The following RRP36 variants were observed in gnomAD, a reference collection of about 807,000 sequenced individuals.
RRP36 encodes ribosomal RNA processing protein 36 homolog.
A neutral mutation model predicts 39.8 loss-of-function variants in RRP36; 44 were observed. The ratio of observed to expected loss-of-function variants is 1.10; its 90% CI spans 0.87 to 1.42. RRP36 has a LOEUF of 1.42. Among genes scored for constraint, RRP36 ranks in the 40% most tolerant of loss-of-function variants. The pLI, the probability that RRP36 is intolerant of heterozygous loss-of-function variation, is 0.00. For synonymous variants in RRP36, 124 were observed against 123.1 expected (o/e 1.01, Z -0.05); for missense variants, 316 against 322.4 (o/e 0.98, Z 0.15).
chr6:43,027,223 G>C lies in RRP36; in HGVS notation c.496G>C (p.Glu166Gln), dbSNP rs761890283. The change falls in exon 5 of 7, where the codon GAG becomes CAG. Residue 166 changes from glutamate (E) to glutamine (Q), a missense_variant. Coordinates refer to ENST00000244496, the MANE Select transcript of RRP36 (RefSeq NM_033112.4). ...GAAGCACCTTTCAGGAGAGGAGCAT[G>C]AGAAACTGCAGCAACTGCTTCAGCG... ...LKKHLSGEEH[E>Q]KLQQLLQRME... 1 of 1,614,238 alleles carries C rather than the reference G, an allele frequency of 6.2e-7. No homozygotes were observed. The highest frequency in any genetic ancestry group is 1.7e-5 in the Admixed American group (1 of 60,030).
At chr6:43,027,791 AC>A (rs1481492313) in intron 6 of RRP36, among the ~76,000 whole-genome samples, 6 of 130,276 alleles carry the variant, frequency 4.6e-5, no homozygotes, top group African/African-American at 1.5e-4. Context: ...ACACACACAC[AC>A]ACACACAAAC....
At chr6:43,022,117 T>A (rs1345861061) in intron 1 of RRP36, among the ~76,000 whole-genome samples, 1 of 152,116 alleles carries the variant, frequency 6.6e-6, no homozygotes, top group Admixed American at 6.5e-5. Flanking sequence ...TTTAATTTTT[T>A]TTTTTTGAGA....
In RRP36 at chr6:43,025,112, A is replaced by G. The variant is rs145287535; in HGVS notation, c.258A>G (p.Ala86=). 86 of 1,614,108 alleles carry G rather than the reference A, an allele frequency of 5.3e-5. No individual in the cohort carries two copies. Among genetic ancestry groups the G allele is most frequent in the Non-Finnish European group, 6.9e-5 (81 of 1,180,044 alleles). ...CTTCTAGACCACCTATCCAAAATGCATGTGTTGCAGATAAGCACAGGTAAG... is the reference window on the plus strand; with the variant it reads ...CTTCTAGACCACCTATCCAAAATGCGTGTGTTGCAGATAAGCACAGGTAAG... The part of the protein sequence containing the change: ...KQASRPPIQN[A]CVADKHRPLE... The change falls in exon 2 of 7, where the codon GCA becomes GCG. Residue 86 remains alanine (A), a synonymous_variant. Coordinates refer to ENST00000244496, the MANE Select transcript of RRP36 (RefSeq NM_033112.4).
At chr6:43,028,946 C>A in intron 6 of RRP36, 146 bp from the exon 7 acceptor site, 1 of 1,070,034 alleles carries the variant, frequency 9.3e-7, no homozygotes, top group Non-Finnish European at 1.4e-6. Flanking sequence ...GAGCAGGACT[C>A]CGTCTCAGAA....
At chr6:43,025,968 G>C in intron 3 of RRP36, 69 bp from the exon 4 acceptor site, 1 of 1,177,794 alleles carries the variant, frequency 8.5e-7, no homozygotes, top group South Asian at 1.3e-5. Flanking sequence ...GGAAGAGACA[G>C]GAAGCACTTT....
chr6:43,026,926 C>T (rs965279755), intron 4 of RRP36, among the ~76,000 whole-genome samples: 6 of 150,052 alleles, frequency 4.0e-5, no homozygotes, highest in East Asian at 2.0e-4. Context: ...ATTAGCCGGG[C>T]GTGGTGGCAC....
At chr6:43,021,922 T>C (rs1762722534) in intron 1 of RRP36, 138 bp downstream of exon 1, 1 of 571,948 alleles carries the variant, frequency 1.7e-6, no homozygotes, top group Non-Finnish European at 2.4e-6. Flanking sequence ...CCCAGTGCAG[T>C]GGAAAGTGGG....
intron 1 of RRP36, among the ~76,000 whole-genome samples, chr6:43,024,193 T>G (rs990864921): frequency 6.6e-6 from 1 of 151,982 alleles, no homozygotes; most frequent in African/African-American, 2.4e-5. Flanking sequence ...AAGACCTCTT[T>G]GGGAAGGTGA....
chr6:43,026,488 C>G (rs559447546), intron 4 of RRP36, among the ~76,000 whole-genome samples: 1 of 152,104 alleles, frequency 6.6e-6, no homozygotes, highest in Non-Finnish European at 1.5e-5. Flanking sequence ...GCCTGGCCAA[C>G]ATGGTGAAAC....
intron 1 of RRP36, among the ~76,000 whole-genome samples, chr6:43,024,387 T>C (rs968682995): frequency 6.6e-6 from 1 of 152,124 alleles, no homozygotes; most frequent in African/African-American, 2.4e-5. Flanking sequence ...GCCAGGTCAC[T>C]TGGGGGCTTG....
intron 3 of RRP36, among the ~76,000 whole-genome samples, chr6:43,025,622 C>CAAA (rs1219326852): frequency 1.4e-4 from 9 of 63,692 alleles, no homozygotes; most frequent in Non-Finnish European, 2.3e-4. Context: ...GACTCTGTCT[C>CAAA]AAAAAAAAAA....
At chr6:43,022,734 G>A (rs1003933042) in intron 1 of RRP36, among the ~76,000 whole-genome samples, 1 of 148,310 alleles carries the variant, frequency 6.7e-6, no homozygotes, top group South Asian at 2.1e-4. Context: ...CCGTGTTTAC[G>A]CCATTCTCCT....
chr6:43,028,254 C>T (rs1042913962), intron 6 of RRP36, among the ~76,000 whole-genome samples: 3 of 151,028 alleles, frequency 2.0e-5, no homozygotes, highest in African/African-American at 2.4e-5. Flanking sequence ...CACTTGAGCC[C>T]GGGAGGTGGA....
chr6:43,024,368 A>G (rs1304137863), intron 1 of RRP36, among the ~76,000 whole-genome samples: 1 of 152,106 alleles, frequency 6.6e-6, no homozygotes, highest in African/African-American at 2.4e-5. Context: ...GAGTAGAGAT[A>G]TGACAGGGGC....
In RRP36 at chr6:43,021,778, TTGAGGGGTGAG is replaced by T; in HGVS notation, c.125_130+5del. ...GCCCGCGGCCGTGGCCCGCGACCTA[TTGAGGGGTGAG>T]GGCATGGGGCAGGGCGGGCTGGGGA... On this transcript the variant is annotated splice_donor_variant and splice_donor_5th_base_variant and coding_sequence_variant and intron_variant, in exon 1 of 7. Transcript: ENST00000244496. LOFTEE classifies it high-confidence loss of function. The T allele has an allele frequency of 8.3e-7, 1 of 1,204,904 alleles. No homozygotes were observed. Among genetic ancestry groups the T allele is most frequent in the Non-Finnish European group, 1.0e-6 (1 of 970,122 alleles). 74.6% of individuals were successfully genotyped at this position (1,204,904 alleles called of 1,614,324 possible).
intron 3 of RRP36, 148 bp downstream of exon 3, chr6:43,025,477 G>T: frequency 1.5e-6 from 1 of 646,824 alleles, no homozygotes; most frequent in South Asian, 1.8e-5. Context: ...ACAAAAATTA[G>T]CTGGGCATGG....
chr6:43,023,578 G>A (rs575358405), intron 1 of RRP36, among the ~76,000 whole-genome samples: 8,949 of 151,690 alleles, frequency 0.059, 314 homozygotes, highest in African/African-American at 0.091. Flanking sequence ...CTTAGTCCCA[G>A]CTACTGAGGA....
chr6:43,025,968 G>A, intron 3 of RRP36, 69 bp from the exon 4 acceptor site: 1 of 1,177,790 alleles, frequency 8.5e-7, no homozygotes, highest in Non-Finnish European at 1.2e-6. Context: ...GGAAGAGACA[G>A]GAAGCACTTT....
At position 43,029,118 on chromosome 6, in the gene RRP36, G is replaced by A. The variant is rs1369251295; in HGVS notation, c.670G>A (p.Glu224Lys). 3.7e-6 allele frequency: 6 copies of A among 1,614,252 alleles called. No individual in the cohort carries two copies. Among genetic ancestry groups the A allele is most frequent in the South Asian group, 1.1e-5 (1 of 91,088 alleles). Residue 224 changes from glutamate to lysine, a missense_variant, in exon 7 of 7, where the codon GAG becomes AAG. Physicochemically the swap from Glu to Lys is moderately conservative, Grantham distance 56. Transcript: ENST00000244496. ...KSEQRQLALAEKFKELKRSKK... is the reference protein window; with the variant it reads ...KSEQRQLALAKKFKELKRSKK... The stretch of plus-strand genomic sequence containing the variant: ...TGAGCAGCGCCAGTTGGCACTAGCT[G>A]AGAAGTTCAAGGAGCTGAAACGCAG...
Sources: allele counts gnomAD v4.1 joint callset (sites outside exome capture counted in the v4.1 genomes callset), GRCh38; gene constraint gnomAD v4.1.1; transcripts MANE v1.5; gene names NCBI Gene and HGNC (gene_info 2026-07-23, HGNC 2026-07-21).